The following CMIP variants were observed in gnomAD, a reference collection of about 807,000 sequenced individuals.
CMIP encodes c-Maf inducing protein.
A neutral mutation model predicts 97.3 loss-of-function variants in CMIP; 13 were observed. That is an observed-to-expected ratio of 0.13 (90% confidence interval 0.09 to 0.21). The LOEUF (loss-of-function observed/expected upper bound fraction) is 0.21. CMIP is among the 10% of genes least tolerant of loss of function. CMIP has a pLI of 1.00. For synonymous variants in CMIP, 538 were observed against 436.3 expected (o/e 1.23, Z -2.91); for missense variants, 847 against 1,024.9 (o/e 0.83, Z 2.37).
chr16:81,476,584 A>G (rs1010463679), intron 1 of CMIP: 11 of 505,318 alleles, frequency 2.2e-5, no homozygotes, highest in Middle Eastern at 3.8e-4. Flanking sequence ...CCTAGATTGT[A>G]AAGTTTCATA....
At position 81,444,894 on chromosome 16, in the gene CMIP, C is replaced by T. The variant is rs1199540168; in HGVS notation, c.-348C>T. Among the ~76,000 whole-genome samples the T allele has an allele frequency of 7.1e-6, 1 of 139,964 alleles. No homozygotes were observed. Among genetic ancestry groups the T allele is most frequent in the Non-Finnish European group, 1.6e-5 (1 of 63,144 alleles). The allele number at this position is 139,964 out of a possible 152,430, so 91.8% of individuals were successfully genotyped here. On this transcript the variant is annotated 5_prime_UTR_variant, in exon 1 of 21. Transcript: ENST00000537098. Reference sequence around the variant, plus strand: ...CCCCGAGACACGCCCGCCCCCACCCCGCCGCCCCCACCCCGGCGCCCGCCC... The same window carrying T: ...CCCCGAGACACGCCCGCCCCCACCCTGCCGCCCCCACCCCGGCGCCCGCCC...
At chr16:81,620,773 C>T in intron 2 of CMIP, 103 bp from the exon 3 acceptor site, 3 of 1,356,782 alleles carry the variant, frequency 2.2e-6, no homozygotes, top group Non-Finnish European at 2.1e-6. Context: ...AGGGCAGACG[C>T]TGTCTACAGA....
chr16:81,568,830 C>A (rs1026374264), intron 1 of CMIP, among the ~76,000 whole-genome samples: 1 of 152,142 alleles, frequency 6.6e-6, no homozygotes, highest in African/African-American at 2.4e-5. Context: ...GAGTGGGTGA[C>A]CTGGGAAAAC....
At chr16:81,707,710 C>A (rs924224355) in intron 20 of CMIP, among the ~76,000 whole-genome samples, 1 of 152,222 alleles carries the variant, frequency 6.6e-6, no homozygotes, top group Non-Finnish European at 1.5e-5. Context: ...AAGAAACACA[C>A]GTGCACATCT....
At chr16:81,677,844 T>C (rs1904428827) in intron 9 of CMIP, among the ~76,000 whole-genome samples, 1 of 152,010 alleles carries the variant, frequency 6.6e-6, no homozygotes, top group African/African-American at 2.4e-5. Flanking sequence ...AGGTCAGGGA[T>C]TGGAGGGCAG....
In CMIP at chr16:81,558,537, A is replaced by C. The variant is rs571246236; in HGVS notation, c.301-49030A>C. On this transcript the variant is annotated intron_variant, in intron 1 of 20. Coordinates refer to ENST00000537098, the MANE Select transcript of CMIP (RefSeq NM_198390.3). ...GATACTGCTCAGTGCCCTGCCACACACAGGACACCGCAGAGATGACCTAGC... is the reference window on the plus strand; with the variant it reads ...GATACTGCTCAGTGCCCTGCCACACCCAGGACACCGCAGAGATGACCTAGC... 2.0e-5 allele frequency among the ~76,000 whole-genome samples: 3 copies of C among 152,314 alleles called. No individual in the cohort carries two copies. The East Asian group carries it at 5.8e-4, about 29-fold the overall frequency.
intron 1 of CMIP, among the ~76,000 whole-genome samples, chr16:81,467,871 G>A (rs1039057639): frequency 5.4e-5 from 8 of 148,158 alleles, no homozygotes; most frequent in South Asian, 2.1e-4. Context: ...GTGAGCCACC[G>A]TGCCTGGCCT....
intron 1 of CMIP, among the ~76,000 whole-genome samples, chr16:81,526,628 C>G (rs1217422738): frequency 6.6e-6 from 1 of 152,154 alleles, no homozygotes; most frequent in Non-Finnish European, 1.5e-5. Flanking sequence ...TTTGCAGTTT[C>G]CTATTTATTT....
chr16:81,693,223 G>A lies in CMIP; in HGVS notation c.1481+39G>A, dbSNP rs200365513. Reference sequence around the variant, plus strand: ...CACCGCCCTCATTCCATTCTGGCACGCACGGCCTCTGTCCTGAGGTCTTCC... The same window carrying A: ...CACCGCCCTCATTCCATTCTGGCACACACGGCCTCTGTCCTGAGGTCTTCC... On this transcript the variant is annotated intron_variant, in intron 12 of 20. Coordinates refer to ENST00000537098, the MANE Select transcript of CMIP (RefSeq NM_198390.3). 1.9e-3 allele frequency: 3,030 copies of A among 1,590,984 alleles called. 11 individuals carry two copies. The highest frequency in any genetic ancestry group is 0.014 in the Middle Eastern group (85 of 6,024).
At chr16:81,524,831 C>G (rs1466675123) in intron 1 of CMIP, among the ~76,000 whole-genome samples, 5 of 149,838 alleles carry the variant, frequency 3.3e-5, no homozygotes, top group Non-Finnish European at 5.9e-5. Context: ...TCTCATTCCT[C>G]TGCCCAGGCT....
At chr16:81,603,019 C>T (rs1224597018) in intron 1 of CMIP, among the ~76,000 whole-genome samples, 4 of 152,248 alleles carry the variant, frequency 2.6e-5, no homozygotes, top group African/African-American at 9.6e-5. Flanking sequence ...CCCATGTCCC[C>T]TGCAAGCCTC....
intron 10 of CMIP, among the ~76,000 whole-genome samples, chr16:81,687,541 C>T (rs562453070): frequency 3.9e-5 from 6 of 152,126 alleles, no homozygotes; most frequent in Non-Finnish European, 7.3e-5. Context: ...GCCGAGAGGA[C>T]GGGTCATGGT....
intron 1 of CMIP, among the ~76,000 whole-genome samples, chr16:81,471,382 G>A (rs1480203044): frequency 1.3e-5 from 2 of 151,700 alleles, no homozygotes; most frequent in South Asian, 2.1e-4. Context: ...GTATACATGT[G>A]CATATGCATA....
rs1458076065 is a variant in CMIP, at chr16:81,703,837, C to T, written c.1945-102C>T. 2.8e-6 allele frequency: 4 copies of T among 1,443,118 alleles called. No homozygotes were observed. The African/African-American group carries it at 4.2e-5, about 15-fold the overall frequency. 89.4% of individuals were successfully genotyped at this position (1,443,118 alleles called of 1,614,324 possible). On this transcript the variant is annotated intron_variant, in intron 17 of 20. Coordinates refer to ENST00000537098, the MANE Select transcript of CMIP (RefSeq NM_198390.3). ...GATTTACCGCCCCCCAGGAACAGCT[C>T]TCTGTAGGGCGAGGGGAGAGGAGGA...
chr16:81,606,427 G>C (rs894853225), intron 1 of CMIP, among the ~76,000 whole-genome samples: 5 of 152,104 alleles, frequency 3.3e-5, no homozygotes, highest in South Asian at 2.1e-4. Flanking sequence ...TGGCTTCCTG[G>C]AGCCAAAGTG....
rs555571055 is a variant in CMIP at position 81,691,091 on chromosome 16, C to T, written c.1389-684C>T. Among the ~76,000 whole-genome samples the T allele has an allele frequency of 2.7e-4, 41 of 152,306 alleles. No homozygotes were observed. The South Asian group carries it at 7.2e-3, about 27-fold the overall frequency. On this transcript the variant is annotated intron_variant, in intron 10 of 20. Transcript: ENST00000537098. ...AGAAAGGTGAGAATGGCCCCAGGGTCCCAGCCTAAGCCCCCTACATTAGTT... is the reference window on the plus strand; with the variant it reads ...AGAAAGGTGAGAATGGCCCCAGGGTTCCAGCCTAAGCCCCCTACATTAGTT...
intron 1 of CMIP, among the ~76,000 whole-genome samples, chr16:81,604,366 A>G (rs2091706651): frequency 7.1e-6 from 1 of 140,246 alleles, no homozygotes; most frequent in Admixed American, 7.5e-5. Flanking sequence ...ATTGTACTCC[A>G]GTCGGGGTGA....
At chr16:81,558,830 A>G (rs978198167) in intron 1 of CMIP, among the ~76,000 whole-genome samples, 1 of 152,222 alleles carries the variant, frequency 6.6e-6, no homozygotes, top group Non-Finnish European at 1.5e-5. Context: ...TGCGCACAGT[A>G]GGCCCACTGT....
At chr16:81,571,938 C>G (rs973428862) in intron 1 of CMIP, among the ~76,000 whole-genome samples, 2 of 152,344 alleles carry the variant, frequency 1.3e-5, no homozygotes, top group East Asian at 1.9e-4. Flanking sequence ...TCTGCCCCCA[C>G]CCAGCTGCCC....
Sources: allele counts gnomAD v4.1 joint callset (sites outside exome capture counted in the v4.1 genomes callset), GRCh38; gene constraint gnomAD v4.1.1; transcripts MANE v1.5; gene names NCBI Gene and HGNC (gene_info 2026-07-23, HGNC 2026-07-21).